Variants in DYM observed in about 807,000 individuals in gnomAD.
DYM encodes dymeclin.
In DYM, 78 loss-of-function variants were observed where a neutral mutation model predicts 93.1. The ratio of observed to expected loss-of-function variants is 0.84; its 90% CI spans 0.70 to 1.01. The LOEUF (loss-of-function observed/expected upper bound fraction) is 1.01, where lower values mean the gene tolerates loss of function less well. DYM is among the 50% of genes least tolerant of loss of function. The pLI is 0.00. For missense variants in DYM, 789 were observed against 845.0 expected, an observed-to-expected ratio of 0.93 and a Z score of 0.82; for synonymous variants, 321 against 319.7, an observed-to-expected ratio of 1.00 and a Z score of -0.04.
chr18:49,063,378 T>C (rs1490402484), intron 17 of DYM, among the ~76,000 whole-genome samples: 1 of 151,646 alleles, frequency 6.6e-6, no homozygotes, highest in Non-Finnish European at 1.5e-5. Context: ...AAATAAGTTA[T>C]ATTTTGTAAA....
intron 2 of DYM, among the ~76,000 whole-genome samples, chr18:49,403,144 C>T (rs868327143): frequency 2.0e-5 from 3 of 152,322 alleles, no homozygotes; most frequent in African/African-American, 7.2e-5. Context: ...TTAATACACA[C>T]TTAAATTACT....
intron 11 of DYM, among the ~76,000 whole-genome samples, chr18:49,266,885 A>G (rs1451659112): frequency 6.6e-6 from 1 of 152,176 alleles, no homozygotes; most frequent in Non-Finnish European, 1.5e-5. Context: ...CCATTTTCAT[A>G]TATTTTGCTT....
At chr18:49,258,821 C>CACACACAG (rs796581808) in intron 11 of DYM, among the ~76,000 whole-genome samples, 1,435 of 134,418 alleles carry the variant, frequency 0.011, 53 homozygotes, top group East Asian at 0.04. Context: ...CACACACACA[C>CACACACAG]AGAGACACAC....
At chr18:49,079,008 T>G (rs1281036152) in intron 17 of DYM, among the ~76,000 whole-genome samples, 1 of 152,246 alleles carries the variant, frequency 6.6e-6, no homozygotes, top group African/African-American at 2.4e-5. Flanking sequence ...TTGGTTTTTG[T>G]CATTGGCTTT....
rs754710739 is a variant in DYM, at chr18:49,286,848, C to T, written c.764-232G>A. On this transcript the variant is annotated intron_variant, in intron 8 of 17. Transcript: ENST00000675505. ...AATAGAGATTTTTATGATTAGGTAA[C>T]CTAAATTTTGTAAAAAAGTGAATGA... is the stretch of plus-strand genomic sequence containing the variant. 2.4e-4 allele frequency among the ~76,000 whole-genome samples: 37 copies of T among 151,890 alleles called. 1 individual carries two copies. Among genetic ancestry groups the T allele is most frequent in the Admixed American group, 1.9e-3 (29 of 15,250 alleles).
intron 8 of DYM, among the ~76,000 whole-genome samples, chr18:49,323,722 G>T (rs1023107706): frequency 3.3e-5 from 5 of 152,206 alleles, no homozygotes; most frequent in African/African-American, 1.2e-4. Context: ...ATACATTTCT[G>T]TTGTTCAAGA....
intron 13 of DYM, among the ~76,000 whole-genome samples, chr18:49,216,179 G>A (rs886718996): frequency 6.6e-6 from 1 of 152,228 alleles, no homozygotes; most frequent in African/African-American, 2.4e-5. Flanking sequence ...CAAACTGCAA[G>A]GTGGCAGCGA....
intron 9 of DYM, among the ~76,000 whole-genome samples, chr18:49,285,967 AAC>A (rs2059637583): frequency 6.6e-6 from 1 of 152,242 alleles, no homozygotes; most frequent in Non-Finnish European, 1.5e-5. Flanking sequence ...CGGCAAGGCT[AAC>A]AGACTGCAGG....
intron 6 of DYM, among the ~76,000 whole-genome samples, chr18:49,342,850 G>A (rs187187455): frequency 2.5e-4 from 38 of 152,304 alleles, no homozygotes; most frequent in Admixed American, 2.3e-3. Flanking sequence ...GGGTAGGTGT[G>A]TAGCAGGCTA....
intron 16 of DYM, among the ~76,000 whole-genome samples, chr18:49,104,851 G>A (rs1225963509): frequency 6.6e-6 from 1 of 152,212 alleles, no homozygotes; most frequent in Admixed American, 6.5e-5. Flanking sequence ...GTTCATCAGG[G>A]ATATTGGTCT....
At chr18:49,159,250 A>C (rs2086811251) in intron 15 of DYM, among the ~76,000 whole-genome samples, 2 of 152,348 alleles carry the variant, frequency 1.3e-5, no homozygotes, top group South Asian at 4.1e-4. Flanking sequence ...TAAAGAGTAA[A>C]CACCACACAG....
At chr18:49,433,987 G>C (rs2080577315) in intron 1 of DYM, among the ~76,000 whole-genome samples, 1 of 152,132 alleles carries the variant, frequency 6.6e-6, no homozygotes, top group South Asian at 2.1e-4. Context: ...AGGCGGATGG[G>C]TCACCTGAGG....
At chr18:49,440,306 G>A (rs1056263378) in intron 1 of DYM, among the ~76,000 whole-genome samples, 2 of 133,776 alleles carry the variant, frequency 1.5e-5, no homozygotes, top group South Asian at 2.4e-4. Flanking sequence ...TTCCAGAATC[G>A]CTTTCCTCCT....
chr18:49,159,153 A>G (rs543319888), intron 15 of DYM, among the ~76,000 whole-genome samples: 1 of 152,354 alleles, frequency 6.6e-6, no homozygotes, highest in East Asian at 1.9e-4. Flanking sequence ...GTAAAGGCAC[A>G]AACATTGTAC....
In DYM at chr18:49,117,996, C is replaced by CTTTT. The variant is rs35936099; in HGVS notation, c.1911+744_1911+747dup. Among the ~76,000 whole-genome samples, 448 of 53,426 alleles carry CTTTT rather than the reference C, an allele frequency of 8.4e-3. 3 individuals are homozygous for CTTTT. The highest frequency in any genetic ancestry group is 0.012 in the East Asian group (22 of 1,840). 35.0% of individuals were successfully genotyped at this position (53,426 alleles called of 152,430 possible). On this transcript the variant is annotated intron_variant, in intron 16 of 17. Coordinates refer to ENST00000675505, the MANE Select transcript of DYM (RefSeq NM_001353214.3). Reference sequence around the variant, plus strand: ...ACAGGCATAAGCCACTGTGCCCAGCCTTTTTTTTTTTTTTTTTTTTTTTTG... The same window carrying CTTTT: ...ACAGGCATAAGCCACTGTGCCCAGCCTTTTTTTTTTTTTTTTTTTTTTTTTTTTG...
intron 14 of DYM, among the ~76,000 whole-genome samples, chr18:49,174,438 A>G (rs922259386): frequency 2.0e-5 from 3 of 152,198 alleles, no homozygotes; most frequent in African/African-American, 7.2e-5. Flanking sequence ...GCTAGAATTC[A>G]CAGCCTGGTA....
At chr18:49,215,297 T>C (rs1448260506) in intron 13 of DYM, among the ~76,000 whole-genome samples, 1 of 152,226 alleles carries the variant, frequency 6.6e-6, no homozygotes, top group East Asian at 1.9e-4. Flanking sequence ...TCCTCGTCAG[T>C]CTTATTACTC....
rs191301605 is a variant in DYM at position 49,384,526 on chromosome 18, T to C, written c.194-4768A>G. Among the ~76,000 whole-genome samples, 9 of 150,196 alleles carry C rather than the reference T, an allele frequency of 6.0e-5. No homozygotes were observed. The Admixed American group carries it at 6.0e-4, about 10-fold the overall frequency. ...TTGTAATCCCAACTATTTGGGAGGC[T>C]GAGGTGGGACAATGGCTTGAACCCA... On this transcript the variant is annotated intron_variant, in intron 3 of 17. Coordinates refer to ENST00000675505, the MANE Select transcript of DYM (RefSeq NM_001353214.3).
chr18:49,253,359 A>ACTTTACAT (rs2094328585), intron 13 of DYM, among the ~76,000 whole-genome samples: 3 of 152,328 alleles, frequency 2.0e-5, no homozygotes, highest in South Asian at 4.1e-4. Flanking sequence ...CCCTTATCAT[A>ACTTTACAT]CTTTACATTT....
Sources: allele counts gnomAD v4.1 joint callset (sites outside exome capture counted in the v4.1 genomes callset), GRCh38; gene constraint gnomAD v4.1.1; transcripts MANE v1.5; gene names NCBI Gene and HGNC (gene_info 2026-07-23, HGNC 2026-07-21).